The following NRG3 variants were observed in gnomAD, a reference collection of about 807,000 sequenced individuals.
NRG3 encodes neuregulin 3.
NRG3 carries 31 observed loss-of-function variants against 66.9 expected under a neutral mutation model. The ratio of observed to expected loss-of-function variants is 0.46; its 90% CI spans 0.35 to 0.63. NRG3 has a LOEUF of 0.63. Ranked by LOEUF, NRG3 falls within the 20% of genes least tolerant of loss-of-function variation. The pLI is 0.00. For synonymous variants in NRG3, 393 were observed against 359.4 expected (o/e 1.09, Z -1.06); for missense variants, 910 against 878.9 (o/e 1.04, Z -0.45).
At chr10:81,879,119 T>C (rs193283424) in intron 1 of NRG3, among the ~76,000 whole-genome samples, 47 of 152,336 alleles carry the variant, frequency 3.1e-4, no homozygotes, top group Admixed American at 3.1e-3. Flanking sequence ...CTCCACCGTT[T>C]AGGCCGTGAG....
chr10:82,772,011 C>G (rs2059730024), intron 3 of NRG3, among the ~76,000 whole-genome samples: 1 of 152,160 alleles, frequency 6.6e-6, no homozygotes. Flanking sequence ...AGTTTAAACT[C>G]TACCATCCTT....
intron 1 of NRG3, among the ~76,000 whole-genome samples, chr10:82,324,199 G>A (rs1302221184): frequency 6.6e-6 from 1 of 152,072 alleles, no homozygotes; most frequent in Non-Finnish European, 1.5e-5. Context: ...GTGTTTGTTG[G>A]TGGTGACATA....
chr10:82,564,453 G>A (rs980938851), intron 2 of NRG3, among the ~76,000 whole-genome samples: 2 of 152,124 alleles, frequency 1.3e-5, no homozygotes, highest in Admixed American at 6.6e-5. Flanking sequence ...AGCATAGAAG[G>A]TGAGGGGCCT....
At chr10:82,453,985 C>G (rs1364316578) in intron 2 of NRG3, among the ~76,000 whole-genome samples, 1 of 152,174 alleles carries the variant, frequency 6.6e-6, no homozygotes, top group East Asian at 1.9e-4. Flanking sequence ...GAACTCAGGA[C>G]TGTCTGAATC....
intron 2 of NRG3, among the ~76,000 whole-genome samples, chr10:82,392,747 C>A (rs144178270): frequency 1.7e-3 from 266 of 152,098 alleles, no homozygotes; most frequent in African/African-American, 6.1e-3. Context: ...GCTTGGCTGG[C>A]AGAACATGTA....
At chr10:82,072,527 G>A (rs1454879551) in intron 1 of NRG3, among the ~76,000 whole-genome samples, 1 of 152,092 alleles carries the variant, frequency 6.6e-6, no homozygotes, top group Admixed American at 6.5e-5. Context: ...TTAATGTTTT[G>A]AGAAAGTGCT....
intron 1 of NRG3, among the ~76,000 whole-genome samples, chr10:82,096,303 C>T (rs892249686): frequency 6.6e-6 from 1 of 152,038 alleles, no homozygotes; most frequent in Admixed American, 6.6e-5. Flanking sequence ...GGTGAAACCC[C>T]ATCTCTACTA....
Position 81,876,043 on chromosome 10 carries a change from C to G in NRG3, c.703C>G (p.Leu235Val). The change falls in exon 1 of 9, where the codon CTT (leucine) becomes GTT (valine). Residue 235 changes from leucine to valine, a missense_variant. Leu to Val is a conservative substitution (Grantham distance 32). Transcript: ENST00000372141. Reference sequence around the variant, plus strand: ...TGCGGCATACGCTACCTCCTCCTACCTTCACGATTCTACTCCCTCCTGGAC... The same window carrying G: ...TGCGGCATACGCTACCTCCTCCTACGTTCACGATTCTACTCCCTCCTGGAC... ...PTAAYATSSY[L>V]HDSTPSWTLS... 4 of 1,613,986 alleles carry G rather than the reference C, an allele frequency of 2.5e-6. No individual in the cohort carries two copies. The highest frequency in any genetic ancestry group is 3.3e-5 in the Admixed American group (2 of 60,024).
chr10:81,908,261 C>A (rs2132718251), intron 1 of NRG3, among the ~76,000 whole-genome samples: 1 of 152,224 alleles, frequency 6.6e-6, no homozygotes, highest in South Asian at 2.1e-4. Context: ...TTTGATATCA[C>A]CAGTGATATC....
At chr10:82,393,947 G>A (rs999866129) in intron 2 of NRG3, among the ~76,000 whole-genome samples, 3 of 152,148 alleles carry the variant, frequency 2.0e-5, no homozygotes, top group African/African-American at 7.2e-5. Flanking sequence ...CCATGTGCCT[G>A]CCAAGTGATT....
intron 4 of NRG3, among the ~76,000 whole-genome samples, chr10:82,919,438 T>C (rs1278117732): frequency 3.3e-5 from 5 of 152,174 alleles, no homozygotes; most frequent in Admixed American, 3.3e-4. Flanking sequence ...TTATAGGGAA[T>C]AAAAGGTACT....
intron 2 of NRG3, among the ~76,000 whole-genome samples, chr10:82,363,360 A>G (rs1400489717): frequency 6.6e-6 from 1 of 152,242 alleles, no homozygotes; most frequent in African/African-American, 2.4e-5. Context: ...ACACGTGTCC[A>G]CAAATACTAC....
intron 2 of NRG3, among the ~76,000 whole-genome samples, chr10:82,730,319 T>A (rs2057835426): frequency 6.6e-6 from 1 of 151,800 alleles, no homozygotes; most frequent in Non-Finnish European, 1.5e-5. Context: ...CTCCTGACCT[T>A]GTGATCCACC....
chr10:81,962,903 C>T (rs138892616), intron 1 of NRG3, among the ~76,000 whole-genome samples: 58 of 152,220 alleles, frequency 3.8e-4, no homozygotes, highest in African/African-American at 5.3e-4. Flanking sequence ...TTGGCTTTCA[C>T]GAGGTAGGTA....
chr10:82,582,331 G>C (rs886622377), intron 2 of NRG3, among the ~76,000 whole-genome samples: 3 of 152,076 alleles, frequency 2.0e-5, no homozygotes, highest in African/African-American at 7.2e-5. Context: ...TTTGGGAGAT[G>C]TCAGAATATA....
intron 2 of NRG3, among the ~76,000 whole-genome samples, chr10:82,409,879 T>G (rs1431626924): frequency 6.6e-6 from 1 of 152,132 alleles, no homozygotes; most frequent in African/African-American, 2.4e-5. Context: ...TCAGCTGGTG[T>G]TGTCAGCCAA....
At chr10:82,122,855 A>G (rs1343689997) in intron 1 of NRG3, among the ~76,000 whole-genome samples, 1 of 152,002 alleles carries the variant, frequency 6.6e-6, no homozygotes, top group Non-Finnish European at 1.5e-5. Context: ...CTACAACCCA[A>G]CTTCTTTTTA....
At chr10:82,586,587 G>A (rs1174155910) in intron 2 of NRG3, among the ~76,000 whole-genome samples, 2 of 152,138 alleles carry the variant, frequency 1.3e-5, no homozygotes, top group Non-Finnish European at 2.9e-5. Context: ...TAATTGGGTT[G>A]TTATAATGAG....
At chr10:82,838,695 G>A (rs923098986) in intron 3 of NRG3, among the ~76,000 whole-genome samples, 6 of 151,976 alleles carry the variant, frequency 3.9e-5, no homozygotes, top group African/African-American at 1.2e-4. Context: ...CCAGGTGTCA[G>A]GTGTATCTTA....
Sources: allele counts gnomAD v4.1 joint callset (sites outside exome capture counted in the v4.1 genomes callset), GRCh38; gene constraint gnomAD v4.1.1; transcripts MANE v1.5; gene names NCBI Gene and HGNC (gene_info 2026-07-23, HGNC 2026-07-21).